The following MIER1 variants were observed in gnomAD, a reference collection of about 807,000 sequenced individuals.
The protein encoded by MIER1 is mesoderm induction early response protein 1.
A neutral mutation model predicts 75.7 loss-of-function variants in MIER1; 40 were observed. The observed-to-expected ratio is 0.53, with a 90% CI of 0.41 to 0.69. The LOEUF (loss-of-function observed/expected upper bound fraction) is 0.69. Ranked by LOEUF, MIER1 falls within the 30% of genes least tolerant of loss-of-function variation. The probability of loss-of-function intolerance (pLI) is 0.00; values close to 1 mark genes in which losing one functional copy is unlikely to be tolerated. For synonymous variants in MIER1, 213 were observed against 223.4 expected, an observed-to-expected ratio of 0.95 and a Z score of 0.42; for missense variants, 574 against 680.2, an observed-to-expected ratio of 0.84 and a Z score of 1.74.
intron 2 of MIER1, among the ~76,000 whole-genome samples, chr1:66,939,783 A>G (rs1354755149): frequency 1.3e-5 from 2 of 151,940 alleles, no homozygotes; most frequent in African/African-American, 4.8e-5. Flanking sequence ...ATTCTATACT[A>G]TTGTCTTTAT....
intron 2 of MIER1, among the ~76,000 whole-genome samples, chr1:66,933,400 A>G (rs1653926175): frequency 6.6e-6 from 1 of 152,162 alleles, no homozygotes; most frequent in Non-Finnish European, 1.5e-5. Context: ...CCTAGGCCAC[A>G]TTTCTGTGAT....
chr1:66,967,838 T>G (rs935154700), intron 8 of MIER1, among the ~76,000 whole-genome samples: 1 of 152,186 alleles, frequency 6.6e-6, no homozygotes, highest in Non-Finnish European at 1.5e-5. Context: ...CTGATTTTTG[T>G]ATGTTGATTT....
intron 11 of MIER1, among the ~76,000 whole-genome samples, chr1:66,975,983 CTT>C (rs202162173): frequency 1.4e-5 from 2 of 141,940 alleles, no homozygotes; most frequent in Non-Finnish European, 3.2e-5. Context: ...ACTTCCAGGC[CTT>C]TTTTTTGTGT....
intron 4 of MIER1, chr1:66,948,126 ATGAC>A: frequency 2.2e-6 from 2 of 896,076 alleles, no homozygotes; most frequent in Non-Finnish European, 2.7e-6. Context: ...ATGAAATAAA[ATGAC>A]TGTTATTCAC....
intron 2 of MIER1, among the ~76,000 whole-genome samples, chr1:66,930,640 C>T (rs967104806): frequency 1.3e-5 from 2 of 151,560 alleles, no homozygotes; most frequent in African/African-American, 4.9e-5. Flanking sequence ...AAGGGTAGTG[C>T]AGCGTAGTAG....
At chr1:66,940,468 ATAAAG>A (rs1286311295) in intron 3 of MIER1, among the ~76,000 whole-genome samples, 1 of 151,936 alleles carries the variant, frequency 6.6e-6, no homozygotes, top group East Asian at 1.9e-4. Flanking sequence ...GAGGGGAAAA[ATAAAG>A]TAAGCAAACG....
In MIER1 at chr1:66,984,594, T is replaced by C. The variant is rs769609074; in HGVS notation, c.1392T>C (p.Gly464=). Residue 464 remains glycine, a synonymous_variant, in exon 14 of 14, where the codon GGT becomes GGC. Coordinates refer to ENST00000401041, the MANE Select transcript of MIER1 (RefSeq NM_001077700.3). ...TAGGAGTGTCATCTAATGGACCAGG[T>C]GAAATATTAAACAAAGAGGAAGTAA... ...NQNGVSSNGP[G]EILNKEEVKV... is the part of the protein sequence containing the mutation. The C allele has an allele frequency of 6.2e-6, 10 of 1,603,924 alleles. No homozygotes were observed. The African/African-American group carries it at 8.1e-5, about 13-fold the overall frequency.
chr1:66,977,715 C>G (rs1471269268), intron 12 of MIER1, among the ~76,000 whole-genome samples: 1 of 152,086 alleles, frequency 6.6e-6, no homozygotes, highest in East Asian at 1.9e-4. Flanking sequence ...CCTTGTCTTT[C>G]ATGAATTGCT....
In MIER1 at chr1:66,984,651, A is replaced by G. The variant is rs201427203; in HGVS notation, c.1449A>G (p.Thr483=). 4.3e-6 allele frequency: 7 copies of G among 1,613,834 alleles called. No homozygotes were observed. The African/African-American group carries it at 8.0e-5, about 18-fold the overall frequency. The part of the protein sequence containing the change: ...KVEGLHINGP[T]GGNKKPLHAD... ...AAGGGTTACACATTAATGGACCAAC[A>G]GGTGGAAATAAGAAACCACTTCATG... The change falls in exon 14 of 14, where the codon ACA becomes ACG. Residue 483 remains threonine (T), a synonymous_variant. Coordinates refer to ENST00000401041, the MANE Select transcript of MIER1 (RefSeq NM_001077700.3).
In MIER1 at chr1:66,986,997, T is replaced by TGTGAA. The variant is rs1197040427; in HGVS notation, c.*2100_*2104dup. The TGTGAA allele has an allele frequency of 6.6e-6, 1 of 152,402 alleles. No individual in the cohort carries two copies. Among genetic ancestry groups the TGTGAA allele is most frequent in the Admixed American group, 6.5e-5 (1 of 15,290 alleles). The allele number at this position is 152,402 out of a possible 1,614,324, so 9.4% of individuals were successfully genotyped here. ...AAAAGATGCATTTTATTTGCAGGTT[T>TGTGAA]GTGAAGTTCTTGCAAACTCTTACTA... is the stretch of plus-strand genomic sequence containing the variant. On this transcript the variant is annotated 3_prime_UTR_variant, in exon 14 of 14. Coordinates refer to ENST00000401041, the MANE Select transcript of MIER1 (RefSeq NM_001077700.3).
intron 4 of MIER1, among the ~76,000 whole-genome samples, chr1:66,951,029 C>T (rs1197339618): frequency 4.6e-5 from 7 of 152,184 alleles, no homozygotes; most frequent in Admixed American, 4.6e-4. Flanking sequence ...AATGACTAAC[C>T]TCCTGATGTG....
At chr1:66,955,139 GTAGT>G (rs1306882165) in intron 4 of MIER1, among the ~76,000 whole-genome samples, 5 of 152,092 alleles carry the variant, frequency 3.3e-5, no homozygotes, top group Non-Finnish European at 1.5e-5. Context: ...CTTTTTCCAT[GTAGT>G]TAGTATGTCA....
In MIER1 at chr1:66,985,555, T is replaced by C. The variant is rs2102152287; in HGVS notation, c.*655T>C. On this transcript the variant is annotated 3_prime_UTR_variant, in exon 14 of 14. Transcript: ENST00000401041. Reference sequence around the variant, plus strand: ...GGGCTTAAGAAATACATTCTGTATTTTTCCAGATTCTTTGTAGCCTTTGAA... The same window carrying C: ...GGGCTTAAGAAATACATTCTGTATTCTTCCAGATTCTTTGTAGCCTTTGAA... 1 of 985,304 alleles carries C rather than the reference T, an allele frequency of 1.0e-6. No homozygotes were observed. Among genetic ancestry groups the C allele is most frequent in the East Asian group, 1.1e-4 (1 of 8,958 alleles). 61.0% of individuals were successfully genotyped at this position (985,304 alleles called of 1,614,324 possible).
chr1:66,961,221 A>G (rs1453587566), intron 7 of MIER1, among the ~76,000 whole-genome samples: 1 of 151,884 alleles, frequency 6.6e-6, no homozygotes, highest in Non-Finnish European at 1.5e-5. Context: ...ATTTTTTTTT[A>G]AGACTTATAA....
chr1:66,970,285 T>G (rs1385068822), intron 8 of MIER1, among the ~76,000 whole-genome samples: 3 of 152,172 alleles, frequency 2.0e-5, no homozygotes, highest in African/African-American at 7.2e-5. Context: ...AAACATAAAG[T>G]AAAATTTACT....
intron 4 of MIER1, 124 bp from the exon 5 acceptor site, chr1:66,957,935 G>A (rs1660495121): frequency 2.1e-6 from 1 of 487,360 alleles, no homozygotes; most frequent in Middle Eastern, 4.9e-4. Flanking sequence ...TTTATGATCC[G>A]AGAATTCGTA....
chr1:66,925,189 C>T, intron 1 of MIER1, 94 bp downstream of exon 1: 4 of 1,463,764 alleles, frequency 2.7e-6, no homozygotes, highest in Non-Finnish European at 1.8e-6. Context: ...CTCTCCTTCC[C>T]CTCCCCCACG....
chr1:66,978,597 G>C (rs1665240713), intron 12 of MIER1, among the ~76,000 whole-genome samples: 1 of 152,080 alleles, frequency 6.6e-6, no homozygotes, highest in African/African-American at 2.4e-5. Flanking sequence ...TCTTAAAATA[G>C]TCATGATTTT....
At chr1:66,960,045 C>G (rs1660965323) in intron 7 of MIER1, 1 of 184,878 alleles carries the variant, frequency 5.4e-6, no homozygotes, top group South Asian at 1.9e-4. Flanking sequence ...GTTGCGGGAC[C>G]CTGTCTCATT....
Sources: allele counts gnomAD v4.1 joint callset (sites outside exome capture counted in the v4.1 genomes callset), GRCh38; gene constraint gnomAD v4.1.1; transcripts MANE v1.5; gene names NCBI Gene and HGNC (gene_info 2026-07-23, HGNC 2026-07-21).